ASTN2: variants seen among roughly 807,000 people sequenced by gnomAD.
ASTN2 encodes astrotactin-2.
ASTN2 carries 54 observed loss-of-function variants against 139.8 expected under a neutral mutation model. That is an observed-to-expected ratio of 0.39 (90% CI 0.31 to 0.48). ASTN2 has a LOEUF of 0.48. ASTN2 is among the 20% of genes least tolerant of loss of function. The probability of loss-of-function intolerance (pLI) is 0.95; values close to 1 mark genes in which losing one functional copy is unlikely to be tolerated. For synonymous variants in ASTN2, 756 were observed against 719.5 expected (o/e 1.05, Z -0.81); for missense variants, 1,565 against 1,725.1 (o/e 0.91, Z 1.64).
rs371202939 is a variant in ASTN2 at position 116,672,357 on chromosome 9, T to C, written c.2807-20564A>G. On this transcript the variant is annotated intron_variant, in intron 16 of 22. Coordinates refer to ENST00000313400, the MANE Select transcript of ASTN2 (RefSeq NM_001365068.1). ...CTCCACCCTGGGTGACAGAATGAGA[T>C]CTTGTCTCAAAAAAAAAAAAAATCT... Among the ~76,000 whole-genome samples the C allele has an allele frequency of 1.2e-3, 174 of 151,100 alleles. 1 individual carries two copies. The highest frequency in any genetic ancestry group is 4.1e-3 in the African/African-American group (168 of 41,096).
chr9:117,054,509 G>A (rs1000388340), intron 5 of ASTN2, among the ~76,000 whole-genome samples: 2 of 152,218 alleles, frequency 1.3e-5, no homozygotes, highest in African/African-American at 4.8e-5. Context: ...AATAAACAGA[G>A]GTAGCAGAGA....
At chr9:117,180,818 T>C (rs1488352099) in intron 3 of ASTN2, 4 of 1,541,970 alleles carry the variant, frequency 2.6e-6, no homozygotes, top group African/African-American at 2.7e-5. Flanking sequence ...TCATCAACAT[T>C]GAACTTGGTG....
chr9:116,841,118 C>G (rs1448993047), intron 11 of ASTN2, among the ~76,000 whole-genome samples: 2 of 152,260 alleles, frequency 1.3e-5, no homozygotes, highest in African/African-American at 4.8e-5. Context: ...ACTCCGTCTG[C>G]AATCCCGGCA....
chr9:116,532,926 C>A (rs1440313635), intron 19 of ASTN2, among the ~76,000 whole-genome samples: 1 of 152,174 alleles, frequency 6.6e-6, no homozygotes, highest in Non-Finnish European at 1.5e-5. Flanking sequence ...CTGGGGATGG[C>A]ACTGAATCTA....
intron 5 of ASTN2, among the ~76,000 whole-genome samples, chr9:117,055,740 T>C (rs1839040660): frequency 1.3e-5 from 2 of 152,200 alleles, no homozygotes; most frequent in African/African-American, 4.8e-5. Context: ...GGATTAGATT[T>C]GGAGAAAAGG....
chr9:117,242,959 T>A (rs925251546), intron 2 of ASTN2, among the ~76,000 whole-genome samples: 3 of 152,236 alleles, frequency 2.0e-5, no homozygotes, highest in African/African-American at 7.2e-5. Context: ...TCAATAAATA[T>A]TAAGTAATTA....
intron 2 of ASTN2, among the ~76,000 whole-genome samples, chr9:117,219,229 A>G (rs1832434221): frequency 6.6e-6 from 1 of 152,140 alleles, no homozygotes; most frequent in Non-Finnish European, 1.5e-5. Context: ...CCACACCCAT[A>G]GAATTACATA....
intron 2 of ASTN2, among the ~76,000 whole-genome samples, chr9:117,289,564 T>C (rs1247286199): frequency 6.6e-6 from 1 of 152,180 alleles, no homozygotes; most frequent in African/African-American, 2.4e-5. Flanking sequence ...CAAGTAAATG[T>C]GCTGAAACAC....
intron 10 of ASTN2, among the ~76,000 whole-genome samples, chr9:116,967,797 C>T (rs1177554820): frequency 1.3e-5 from 2 of 152,156 alleles, no homozygotes; most frequent in Non-Finnish European, 2.9e-5. Flanking sequence ...GAGTGACTGG[C>T]CCCGACTCCA....
intron 13 of ASTN2, among the ~76,000 whole-genome samples, chr9:116,794,907 A>G (rs1830651406): frequency 6.6e-6 from 1 of 152,286 alleles, no homozygotes; most frequent in East Asian, 1.9e-4. Flanking sequence ...GCTGTTTGAA[A>G]GGGCCTCCTT....
chr9:116,528,697 C>A (rs62574375), intron 19 of ASTN2, among the ~76,000 whole-genome samples: 27,355 of 152,160 alleles, frequency 0.18, 2,828 homozygotes, highest in African/African-American at 0.28. Flanking sequence ...GCCTAGGAGG[C>A]AATAATGGTT....
chr9:116,500,202 T>C (rs7047165), intron 19 of ASTN2, among the ~76,000 whole-genome samples: 108,887 of 152,028 alleles, frequency 0.72, 40,137 homozygotes, highest in Middle Eastern at 0.8. Context: ...CTCTTCTCTT[T>C]CCACTGCCCT....
chr9:117,187,496 T>C (rs1231851846), intron 3 of ASTN2, among the ~76,000 whole-genome samples: 2 of 152,190 alleles, frequency 1.3e-5, no homozygotes, highest in African/African-American at 4.8e-5. Flanking sequence ...AGTGATTGGA[T>C]CATGAAGATT....
rs933631635 is a variant in ASTN2, at chr9:116,514,116, C to T, written c.3356-26616G>A. 9.2e-5 allele frequency among the ~76,000 whole-genome samples: 14 copies of T among 151,928 alleles called. No individual in the cohort carries two copies. The South Asian group carries it at 2.3e-3, about 25-fold the overall frequency. On this transcript the variant is annotated intron_variant, in intron 19 of 22. Coordinates refer to ENST00000313400, the MANE Select transcript of ASTN2 (RefSeq NM_001365068.1). ...TTCAGCTTTTCTGCTCTGTTTTTTT[C>T]CCCATCTTTGTGGTTTTATCTACCT...
chr9:116,854,077 T>C (rs1405046234), intron 11 of ASTN2, among the ~76,000 whole-genome samples: 4 of 152,230 alleles, frequency 2.6e-5, no homozygotes, highest in African/African-American at 9.6e-5. Flanking sequence ...TTCCCTGCTC[T>C]AGAACTGAGT....
intron 13 of ASTN2, among the ~76,000 whole-genome samples, chr9:116,764,338 C>T (rs1284104818): frequency 6.6e-6 from 1 of 152,152 alleles, no homozygotes; most frequent in Non-Finnish European, 1.5e-5. Context: ...AATGTCTTAG[C>T]CCAGTTTGAG....
At chr9:117,356,416 A>G (rs1396728247) in intron 1 of ASTN2, among the ~76,000 whole-genome samples, 1 of 152,214 alleles carries the variant, frequency 6.6e-6, no homozygotes, top group Non-Finnish European at 1.5e-5. Context: ...TGAGAATCTG[A>G]GAAATGAAAT....
intron 19 of ASTN2, among the ~76,000 whole-genome samples, chr9:116,575,940 G>A (rs1237225141): frequency 6.6e-6 from 1 of 152,186 alleles, no homozygotes; most frequent in Non-Finnish European, 1.5e-5. Context: ...GATGGGGAGA[G>A]GAAGAGGGAG....
intron 2 of ASTN2, among the ~76,000 whole-genome samples, chr9:117,232,257 G>A (rs1440830428): frequency 9.2e-5 from 14 of 152,162 alleles, no homozygotes; most frequent in Admixed American, 9.2e-4. Flanking sequence ...ACTCTGGATA[G>A]TATTAGGAAA....
Sources: allele counts gnomAD v4.1 joint callset (sites outside exome capture counted in the v4.1 genomes callset), GRCh38; gene constraint gnomAD v4.1.1; transcripts MANE v1.5; gene names NCBI Gene and HGNC (gene_info 2026-07-23, HGNC 2026-07-21).